The following KCNQ2 variants were observed in gnomAD, a reference collection of about 807,000 sequenced individuals.
KCNQ2 encodes the protein potassium voltage-gated channel subfamily Q member 2, also known as potassium voltage-gated channel subfamily KQT member 2.
KCNQ2 carries 14 observed loss-of-function variants against 84.8 expected under a neutral mutation model. That is an observed-to-expected ratio of 0.17 (90% confidence interval 0.11 to 0.26). KCNQ2 has a LOEUF of 0.26. Ranked by LOEUF, KCNQ2 falls within the 10% of genes least tolerant of loss-of-function variation. KCNQ2 has a pLI of 1.00. For synonymous variants in KCNQ2, 599 were observed against 554.1 expected, an observed-to-expected ratio of 1.08 and a Z score of -1.14; for missense variants, 788 against 1,254.0, an observed-to-expected ratio of 0.63 and a Z score of 5.61.
intron 1 of KCNQ2, among the ~76,000 whole-genome samples, chr20:63,465,080 G>A (rs1333180336): frequency 7.9e-5 from 12 of 152,238 alleles, no homozygotes; most frequent in South Asian, 2.1e-4. Flanking sequence ...CCCGGGAAGC[G>A]ACAGGCGCAG....
chr20:63,426,251 G>A (rs1023279214), intron 10 of KCNQ2, among the ~76,000 whole-genome samples: 13 of 152,354 alleles, frequency 8.5e-5, no homozygotes, highest in African/African-American at 2.9e-4. Flanking sequence ...AACGCCGTTA[G>A]ACAAGAGGCC....
chr20:63,409,577 C>G (rs529387609), intron 15 of KCNQ2, among the ~76,000 whole-genome samples: 1 of 152,362 alleles, frequency 6.6e-6, no homozygotes, highest in South Asian at 2.1e-4. Context: ...CCCAGCTGGA[C>G]AAGGGCAGCT....
chr20:63,424,283 C>T lies in KCNQ2; in HGVS notation c.1218-77G>A, dbSNP rs2070800417. The stretch of plus-strand genomic sequence containing the variant: ...GGGTCCCCCAACCAGTCCAGCCCCC[C>T]ACAGTCCCATGGGTCAGGGGCTGCA... On this transcript the variant is annotated intron_variant, in intron 10 of 16. Coordinates refer to ENST00000359125, the MANE Select transcript of KCNQ2 (RefSeq NM_172107.4). The T allele has an allele frequency of 3.3e-6, 5 of 1,503,108 alleles. No homozygotes were observed. In the Admixed American group the frequency reaches 9.8e-5, roughly 30 times the overall value. The allele number at this position is 1,503,108 out of a possible 1,614,324, so 93.1% of individuals were successfully genotyped here.
rs946451654 is a variant in KCNQ2 at position 63,402,224 on chromosome 20, C to T, written c.*4420G>A. On this transcript the variant is annotated 3_prime_UTR_variant, in exon 17 of 17. Coordinates refer to ENST00000359125, the MANE Select transcript of KCNQ2 (RefSeq NM_172107.4). ...GGTCCAAGCCTCGTGAGCCGTCCCTCTCACGCCACGTCTGCCGGGCACCCT... is the reference window on the plus strand; with the variant it reads ...GGTCCAAGCCTCGTGAGCCGTCCCTTTCACGCCACGTCTGCCGGGCACCCT... 1 of 183,198 alleles carries T rather than the reference C, an allele frequency of 5.5e-6. No homozygotes were observed. Among genetic ancestry groups the T allele is most frequent in the Non-Finnish European group, 1.2e-5 (1 of 86,874 alleles). 11.3% of individuals were successfully genotyped at this position (183,198 alleles called of 1,614,324 possible).
chr20:63,465,543 C>A (rs2082057692), intron 1 of KCNQ2, among the ~76,000 whole-genome samples: 1 of 152,206 alleles, frequency 6.6e-6, no homozygotes, highest in Non-Finnish European at 1.5e-5. Flanking sequence ...ACTCCGAAAT[C>A]AACAGAGAAA....
At chr20:63,433,961 G>C in intron 7 of KCNQ2, 58 bp from the exon 8 acceptor site, 1 of 1,511,930 alleles carries the variant, frequency 6.6e-7, no homozygotes, top group Non-Finnish European at 9.2e-7. Context: ...GCGCGCCCAG[G>C]AGGGCCGGGC....
At chr20:63,445,153 C>T in intron 3 of KCNQ2, 85 bp downstream of exon 3, 1 of 1,586,438 alleles carries the variant, frequency 6.3e-7, no homozygotes, top group South Asian at 1.1e-5. Flanking sequence ...CTGGCCCACG[C>T]AGACGCCCCA....
intron 11 of KCNQ2, 71 bp downstream of exon 11, chr20:63,424,106 C>T: frequency 6.6e-7 from 1 of 1,507,018 alleles, no homozygotes; most frequent in East Asian, 2.5e-5. Context: ...ACAGGTTGCG[C>T]ACACGTGTGG....
At chr20:63,434,202 A>G (rs888988280) in intron 7 of KCNQ2, 9 of 455,302 alleles carry the variant, frequency 2.0e-5, no homozygotes, top group Non-Finnish European at 3.5e-5. Context: ...TTTCCTTTTC[A>G]TGACTCTTAC....
chr20:63,427,490 G>C (rs2080667209), intron 10 of KCNQ2, among the ~76,000 whole-genome samples: 1 of 152,270 alleles, frequency 6.6e-6, no homozygotes, highest in African/African-American at 2.4e-5. Context: ...AACAACAGAT[G>C]TTTGTTCTTT....
intron 12 of KCNQ2, among the ~76,000 whole-genome samples, chr20:63,418,864 GC>G (rs2080380497): frequency 6.6e-6 from 1 of 152,156 alleles, no homozygotes; most frequent in Non-Finnish European, 1.5e-5. Flanking sequence ...GCAGCATGCA[GC>G]CCCACCAGCC....
At chr20:63,410,932 GC>G in intron 15 of KCNQ2, 1 of 444,202 alleles carries the variant, frequency 2.3e-6, no homozygotes, top group East Asian at 7.0e-5. Flanking sequence ...AATCAGACTT[GC>G]CAGAAGACAG....
chr20:63,414,248 CG>C lies in KCNQ2; in HGVS notation c.1526-56del. 1 of 1,330,240 alleles carries C rather than the reference CG, an allele frequency of 7.5e-7. No homozygotes were observed. The highest frequency in any genetic ancestry group is 1.1e-6 in the Non-Finnish European group (1 of 925,620). 82.4% of individuals were successfully genotyped at this position (1,330,240 alleles called of 1,614,324 possible). A position where few individuals can be genotyped will look rare whatever the true frequency, so the allele number is the denominator to read the frequency against. ...CCGAGGGGGCCGGGAGACCTATTCC[CG>C]GGGTCCTGCAGGGCACACCGGCTAG... On this transcript the variant is annotated intron_variant, in intron 13 of 16. Transcript: ENST00000359125. The surrounding 1 kb of genome is among the most constrained non-coding windows in gnomAD (Gnocchi z 6.6).
In KCNQ2 at chr20:63,413,348, G is replaced by A. The variant is rs775167694; in HGVS notation, c.1763+102C>T. 16 of 1,425,816 alleles carry A rather than the reference G, an allele frequency of 1.1e-5. No individual in the cohort carries two copies. In the Middle Eastern group the frequency reaches 7.0e-4, roughly 63 times the overall value. The allele number at this position is 1,425,816 out of a possible 1,614,324, so 88.3% of individuals were successfully genotyped here. A position where few individuals can be genotyped will look rare whatever the true frequency, so the allele number is the denominator to read the frequency against. ...CCGACGTGGGTGGGGAGGAGGCCCCGCCCACACACCCCCTGCACTCCCACC... is the reference window on the plus strand; with the variant it reads ...CCGACGTGGGTGGGGAGGAGGCCCCACCCACACACCCCCTGCACTCCCACC... On this transcript the variant is annotated intron_variant, in intron 15 of 16. Transcript: ENST00000359125.
intron 1 of KCNQ2, among the ~76,000 whole-genome samples, chr20:63,468,968 GGCTGTAACTAA>G (rs1453358693): frequency 2.0e-5 from 3 of 152,252 alleles, no homozygotes; most frequent in African/African-American, 7.2e-5. Context: ...CCCTCTGGCA[GGCTGTAACTAA>G]GCGGTAACTG....
chr20:63,442,902 C>CCAT (rs2081248255), intron 4 of KCNQ2, among the ~76,000 whole-genome samples: 16 of 24,246 alleles, frequency 6.6e-4, no homozygotes, highest in Non-Finnish European at 8.3e-4. Flanking sequence ...ACCACCATCA[C>CCAT]CACCACCATC....
At chr20:63,451,759 G>A (rs1354598670) in intron 1 of KCNQ2, among the ~76,000 whole-genome samples, 1 of 152,004 alleles carries the variant, frequency 6.6e-6, no homozygotes, top group Non-Finnish European at 1.5e-5. Context: ...AGGCCAGCAT[G>A]GCCCCCTGCA....
intron 8 of KCNQ2, chr20:63,433,457 G>A (rs1295219784): frequency 6.0e-6 from 3 of 496,784 alleles, no homozygotes; most frequent in Admixed American, 7.4e-5. Context: ...TCGAGCTGCC[G>A]GTCCAGAGCA....
intron 1 of KCNQ2, among the ~76,000 whole-genome samples, chr20:63,466,251 G>A (rs2082078633): frequency 6.6e-6 from 1 of 151,988 alleles, no homozygotes; most frequent in East Asian, 1.9e-4. Flanking sequence ...TCCCACGCTC[G>A]AGCCCGGGCC....
Sources: gnomAD v4.1 joint callset for allele counts (sites outside exome capture counted in the v4.1 genomes callset) on GRCh38, gnomAD v4.1.1 for gene constraint, Gnocchi (gnomAD v3.1) non-coding constraint, MANE v1.5 for transcripts, NCBI Gene and HGNC (gene_info 2026-07-23, HGNC 2026-07-21) for gene names.